The following TANGO6 variants were observed in gnomAD, a reference collection of about 807,000 sequenced individuals.
TANGO6 encodes the protein transport and Golgi organization protein 6 homolog.
A neutral mutation model predicts 114.2 loss-of-function variants in TANGO6; 90 were observed. The observed-to-expected ratio is 0.79, with a 90% confidence interval of 0.66 to 0.94. The LOEUF (loss-of-function observed/expected upper bound fraction) is 0.94. Ranked by LOEUF, TANGO6 falls within the 40% of genes least tolerant of loss-of-function variation. The probability of loss-of-function intolerance (pLI) is 0.00; values close to 1 mark genes in which losing one functional copy is unlikely to be tolerated. For synonymous variants in TANGO6, 477 were observed against 509.8 expected (o/e 0.94, Z 0.87); for missense variants, 1,274 against 1,315.3 (o/e 0.97, Z 0.49).
Position 69,052,268 on chromosome 16 carries a change from TC to T in TANGO6, c.3108+11848del, listed in dbSNP as rs1156236526. 4.8e-5 allele frequency among the ~76,000 whole-genome samples: 6 copies of T among 124,212 alleles called. No homozygotes were observed. In the South Asian group the frequency reaches 1.4e-3, roughly 28 times the overall value. The allele number at this position is 124,212 out of a possible 152,430, so 81.5% of individuals were successfully genotyped here. On this transcript the variant is annotated intron_variant, in intron 17 of 17. Transcript: ENST00000261778. ...TGCTCTCAGGCCTTGATTTTTCTTT[TC>T]TTTTTTTTTTTTTTTTGGAGACAGG...
chr16:69,022,661 G>A (rs776241732), intron 15 of TANGO6, among the ~76,000 whole-genome samples, 167 bp from the exon 16 acceptor site: 2 of 151,806 alleles, frequency 1.3e-5, no homozygotes, highest in Non-Finnish European at 2.9e-5. Context: ...CTGTGATTGT[G>A]CCACTGCACT....
At chr16:68,844,967 CT>C (rs200473627) in intron 1 of TANGO6, among the ~76,000 whole-genome samples, 197 of 131,150 alleles carry the variant, frequency 1.5e-3, no homozygotes, top group Middle Eastern at 4.0e-3. Flanking sequence ...AACGGCAACT[CT>C]TTTTTTTTTT....
intron 14 of TANGO6, among the ~76,000 whole-genome samples, chr16:68,947,314 C>T (rs537222143): frequency 6.6e-6 from 1 of 152,058 alleles, no homozygotes; most frequent in South Asian, 2.1e-4. Context: ...ATTGGCCAGG[C>T]ATGGTGGTGT....
At chr16:68,924,877 AT>A (rs1488019594) in intron 12 of TANGO6, among the ~76,000 whole-genome samples, 2 of 151,980 alleles carry the variant, frequency 1.3e-5, no homozygotes, top group Non-Finnish European at 2.9e-5. Context: ...TAGATGTTCA[AT>A]GAGTAAATAC....
At chr16:68,847,930 G>T (rs1961840226) in intron 1 of TANGO6, among the ~76,000 whole-genome samples, 1 of 149,470 alleles carries the variant, frequency 6.7e-6, no homozygotes, top group South Asian at 2.1e-4. Flanking sequence ...AACCCAGGAG[G>T]CAGAGGTTGC....
chr16:68,962,508 G>A (rs1963602767), intron 14 of TANGO6, among the ~76,000 whole-genome samples: 1 of 151,982 alleles, frequency 6.6e-6, no homozygotes, highest in Non-Finnish European at 1.5e-5. Context: ...TGATTACTTT[G>A]AACATAGTCT....
chr16:69,032,140 A>C (rs1426443479), intron 16 of TANGO6, among the ~76,000 whole-genome samples: 1 of 152,150 alleles, frequency 6.6e-6, no homozygotes, highest in Non-Finnish European at 1.5e-5. Context: ...AGTTGGCACC[A>C]GAAAGGCAGT....
intron 12 of TANGO6, among the ~76,000 whole-genome samples, chr16:68,924,370 T>G (rs1053114697): frequency 6.6e-6 from 1 of 151,022 alleles, no homozygotes; most frequent in Non-Finnish European, 1.5e-5. Flanking sequence ...CCAGACCAGA[T>G]CAGCTACTCG....
chr16:68,885,885 A>G (rs528677720), intron 7 of TANGO6, among the ~76,000 whole-genome samples: 35 of 152,260 alleles, frequency 2.3e-4, no homozygotes, highest in African/African-American at 8.2e-4. Flanking sequence ...AACCTATGTT[A>G]TCGTTTCTTT....
chr16:68,864,552 G>A (rs940879075), intron 3 of TANGO6, among the ~76,000 whole-genome samples: 1 of 152,098 alleles, frequency 6.6e-6, no homozygotes. Context: ...CTGCACTTCA[G>A]CCTGGGCAAC....
At chr16:68,922,636 A>G (rs1174807064) in intron 12 of TANGO6, among the ~76,000 whole-genome samples, 7 of 151,828 alleles carry the variant, frequency 4.6e-5, no homozygotes, top group African/African-American at 1.2e-4. Flanking sequence ...AGTCACCACT[A>G]AAAGTATTAT....
At chr16:68,998,730 C>CA (rs1180827047) in intron 15 of TANGO6, among the ~76,000 whole-genome samples, 2,567 of 80,996 alleles carry the variant, frequency 0.032, 35 homozygotes, top group African/African-American at 0.056. Context: ...GACTCCATCT[C>CA]AAAAAAAAAA....
At chr16:68,991,274 ATAAAT>A (rs1435554131) in intron 15 of TANGO6, among the ~76,000 whole-genome samples, 1 of 152,182 alleles carries the variant, frequency 6.6e-6, no homozygotes, top group Non-Finnish European at 1.5e-5. Context: ...CAGCATGATG[ATAAAT>A]GTATAGGTAT....
chr16:69,016,514 T>C (rs1197891458), intron 15 of TANGO6, among the ~76,000 whole-genome samples: 2 of 152,220 alleles, frequency 1.3e-5, no homozygotes, highest in African/African-American at 4.8e-5. Context: ...AGCTGTGTTT[T>C]CTAATTCCTT....
rs563724761 is a variant in TANGO6, at chr16:69,076,189, T to C, written c.3109-7296T>C. Among the ~76,000 whole-genome samples the C allele has an allele frequency of 4.0e-5, 6 of 148,954 alleles. 1 individual carries two copies. The East Asian group carries it at 1.2e-3, about 29-fold the overall frequency. Reference sequence around the variant, plus strand: ...TCACTGCAACCTCCACCTCCCAGGTTTAAGTGATTCTCGTGCCTCAGCCTT... The same window carrying C: ...TCACTGCAACCTCCACCTCCCAGGTCTAAGTGATTCTCGTGCCTCAGCCTT... On this transcript the variant is annotated intron_variant, in intron 17 of 17. Coordinates refer to ENST00000261778, the MANE Select transcript of TANGO6 (RefSeq NM_024562.2).
chr16:68,933,799 A>G (rs1364729626), intron 14 of TANGO6: 1 of 152,262 alleles, frequency 6.6e-6, no homozygotes, highest in Non-Finnish European at 1.5e-5. Flanking sequence ...AGTGGGACAC[A>G]CTACCAAGTC....
At chr16:68,996,661 C>A (rs980541062) in intron 15 of TANGO6, among the ~76,000 whole-genome samples, 1 of 152,156 alleles carries the variant, frequency 6.6e-6, no homozygotes, top group African/African-American at 2.4e-5. Context: ...GCATCCAAGA[C>A]AGGAGGAAAA....
At chr16:69,032,123 G>A (rs1003551614) in intron 16 of TANGO6, among the ~76,000 whole-genome samples, 7 of 152,120 alleles carry the variant, frequency 4.6e-5, no homozygotes, top group African/African-American at 1.7e-4. Context: ...CTTCAGAGAA[G>A]AACAGGAGTT....
At chr16:68,876,255 G>A (rs950316081) in intron 5 of TANGO6, among the ~76,000 whole-genome samples, 3 of 151,680 alleles carry the variant, frequency 2.0e-5, no homozygotes, top group South Asian at 2.1e-4. Flanking sequence ...TCCACCTCCC[G>A]GGTTCAAGCG....
Sources: gnomAD v4.1 joint callset for allele counts (sites outside exome capture counted in the v4.1 genomes callset) on GRCh38, gnomAD v4.1.1 for gene constraint, MANE v1.5 for transcripts, NCBI Gene and HGNC (gene_info 2026-07-23, HGNC 2026-07-21) for gene names.